The following RBBP8 variants were observed in gnomAD, a reference collection of about 807,000 sequenced individuals.
RBBP8 encodes the protein RB binding protein 8, endonuclease.
RBBP8 carries 88 observed loss-of-function variants against 108.3 expected under a neutral mutation model. The observed-to-expected ratio is 0.81, with a 90% CI of 0.68 to 0.97. RBBP8 has a LOEUF of 0.97. Among genes scored for constraint, RBBP8 ranks in the 50% least tolerant of loss-of-function variants. The pLI is 0.00. For synonymous variants in RBBP8, 332 were observed against 348.2 expected, an observed-to-expected ratio of 0.95 and a Z score of 0.52; for missense variants, 1,023 against 1,049.0, an observed-to-expected ratio of 0.98 and a Z score of 0.34.
At chr18:22,983,365 GA>G in intron 7 of RBBP8, among the ~76,000 whole-genome samples, 1 of 152,226 alleles carries the variant, frequency 6.6e-6, no homozygotes, top group East Asian at 1.9e-4. Flanking sequence ...TTGGAACATT[GA>G]CAGTTTTCCC....
rs972785697 is a variant in RBBP8 at position 22,996,637 on chromosome 18, A to G, written c.2028+175A>G. 2.0e-5 allele frequency among the ~76,000 whole-genome samples: 3 copies of G among 152,196 alleles called. No homozygotes were observed. In the East Asian group the frequency reaches 5.8e-4, roughly 29 times the overall value. ...ATGCTTATTCTTCTAACTTTATGGT[A>G]TTTTTTAAAGGGTAATACTTTCTGA... is the stretch of plus-strand genomic sequence containing the variant. On this transcript the variant is annotated intron_variant, in intron 13 of 18. Coordinates refer to ENST00000327155, the MANE Select transcript of RBBP8 (RefSeq NM_002894.3).
chr18:22,955,250 TG>T (rs1357825382), intron 4 of RBBP8, among the ~76,000 whole-genome samples: 16 of 151,994 alleles, frequency 1.1e-4, no homozygotes, highest in African/African-American at 3.6e-4. Flanking sequence ...GGAGTCGGGG[TG>T]GGATGAGGGA....
At chr18:22,981,590 G>T (rs1253837266) in intron 6 of RBBP8, among the ~76,000 whole-genome samples, 3 of 152,166 alleles carry the variant, frequency 2.0e-5, no homozygotes, top group African/African-American at 4.8e-5. Context: ...AAAATTGGTT[G>T]TTATCATTGT....
intron 8 of RBBP8, among the ~76,000 whole-genome samples, chr18:22,985,680 T>C (rs1915277755): frequency 6.6e-6 from 1 of 152,102 alleles, no homozygotes; most frequent in Admixed American, 6.6e-5. Flanking sequence ...CGGGGGTGGT[T>C]AAAATTAGAA....
At chr18:22,915,570 A>G (rs909321712) in intron 2 of RBBP8, 1 of 152,152 alleles carries the variant, frequency 6.6e-6, no homozygotes, top group Non-Finnish European at 1.5e-5. Flanking sequence ...TATTCAGCAC[A>G]AATTGTATTT....
At chr18:22,963,734 T>TA (rs568314691) in intron 4 of RBBP8, among the ~76,000 whole-genome samples, 5 of 152,284 alleles carry the variant, frequency 3.3e-5, no homozygotes, top group South Asian at 2.1e-4. Context: ...GTATGAGACC[T>TA]AAAAAAAGTT....
upstream of RBBP8, among the ~76,000 whole-genome samples, chr18:22,932,681 C>T (rs1327407026): frequency 2.0e-5 from 3 of 152,150 alleles, no homozygotes; most frequent in Non-Finnish European, 2.9e-5. Flanking sequence ...GGTCTAAAAA[C>T]GATTCTTTTA....
intron 1 of RBBP8, chr18:22,934,625 A>G (rs1222457611): frequency 1.3e-5 from 2 of 151,852 alleles, no homozygotes; most frequent in East Asian, 3.9e-4. Flanking sequence ...TGCACCCATT[A>G]ACTCGTCATT....
chr18:22,971,970 A>C (rs1914126380), intron 5 of RBBP8, among the ~76,000 whole-genome samples: 1 of 151,808 alleles, frequency 6.6e-6, no homozygotes, highest in South Asian at 2.1e-4. Flanking sequence ...TAAAACAGAC[A>C]GGCTTGATAT....
chr18:22,987,211 G>A (rs984346975), intron 8 of RBBP8, among the ~76,000 whole-genome samples: 3 of 152,080 alleles, frequency 2.0e-5, no homozygotes, highest in Non-Finnish European at 4.4e-5. Flanking sequence ...CTGCAAGAGA[G>A]GAGGAGAGAG....
At position 23,016,896 on chromosome 18, in the gene RBBP8, T is replaced by C. The variant is rs779270724; in HGVS notation, c.2426T>C (p.Leu809Pro). Residue 809 changes from leucine (L) to proline (P), a missense_variant, in exon 17 of 19, where the codon CTT becomes CCT. Leu to Pro is a moderately conservative substitution (Grantham distance 98, BLOSUM62 -3). Coordinates refer to ENST00000327155, the MANE Select transcript of RBBP8 (RefSeq NM_002894.3). ...VRKKEERRKL[L>P]GHTCKECEIY... ...AAAAAAGAGGAGAGAAGAAAACTGCTTGGGCACACGTGTAAGGAATGTGAA... is the reference window on the plus strand; with the variant it reads ...AAAAAAGAGGAGAGAAGAAAACTGCCTGGGCACACGTGTAAGGAATGTGAA... The C allele has an allele frequency of 1.9e-6, 3 of 1,613,818 alleles. No individual in the cohort carries two copies. The highest frequency in any genetic ancestry group is 2.2e-5 in the East Asian group (1 of 44,850).
At chr18:22,930,044 G>A (rs1367975930), upstream of RBBP8, among the ~76,000 whole-genome samples, 1 of 152,136 alleles carries the variant, frequency 6.6e-6, no homozygotes, top group Non-Finnish European at 1.5e-5. Context: ...AGAATCTACA[G>A]GATTTCATTT....
At chr18:23,023,307 CACTT>C (rs368127846) in intron 18 of RBBP8, among the ~76,000 whole-genome samples, 301 of 152,248 alleles carry the variant, frequency 2.0e-3, no homozygotes, top group Middle Eastern at 0.017. Flanking sequence ...TTTAAAACCT[CACTT>C]ACCCAGAATG....
chr18:22,983,629 A>G (rs1915103887), intron 7 of RBBP8, among the ~76,000 whole-genome samples: 3 of 55,044 alleles, frequency 5.5e-5, no homozygotes, highest in African/African-American at 9.7e-5. Flanking sequence ...TGTAACCAAT[A>G]TAAATGCTTC....
intron 5 of RBBP8, among the ~76,000 whole-genome samples, chr18:22,973,209 C>A (rs562402528): frequency 3.3e-5 from 5 of 152,282 alleles, no homozygotes; most frequent in African/African-American, 1.2e-4. Flanking sequence ...TAAGAATACT[C>A]CCTTTTTTAA....
intron 16 of RBBP8, among the ~76,000 whole-genome samples, chr18:23,011,717 G>T (rs1377662926): frequency 2.6e-5 from 4 of 152,080 alleles, no homozygotes; most frequent in Non-Finnish European, 4.4e-5. Context: ...GGGATCACAG[G>T]CGTGAGCCAC....
chr18:23,006,852 G>C (rs1445296964), intron 16 of RBBP8, among the ~76,000 whole-genome samples: 2 of 151,570 alleles, frequency 1.3e-5, no homozygotes, highest in South Asian at 4.2e-4. Context: ...TTGCTACTTT[G>C]GTTAAATTAA....
At chr18:22,915,745 A>T (rs1199394650) in intron 2 of RBBP8, among the ~76,000 whole-genome samples, 1 of 152,066 alleles carries the variant, frequency 6.6e-6, no homozygotes, top group Non-Finnish European at 1.5e-5. Flanking sequence ...TTTAAACCAC[A>T]CCGTGTTTAA....
chr18:22,938,687 C>T (rs1910787979), intron 2 of RBBP8, among the ~76,000 whole-genome samples: 1 of 152,194 alleles, frequency 6.6e-6, no homozygotes, highest in Non-Finnish European at 1.5e-5. Flanking sequence ...TACCCACTTG[C>T]TCTGTGATCT....
Sources: allele counts gnomAD v4.1 joint callset (sites outside exome capture counted in the v4.1 genomes callset), GRCh38; gene constraint gnomAD v4.1.1; transcripts MANE v1.5; gene names NCBI Gene and HGNC (gene_info 2026-07-23, HGNC 2026-07-21).